Variants in CLVS1 observed in about 807,000 individuals in gnomAD.
CLVS1 encodes clavesin 1, also known as clavesin-1.
A neutral mutation model predicts 33.1 loss-of-function variants in CLVS1; 10 were observed. The observed-to-expected ratio is 0.30, with a 90% CI of 0.19 to 0.51. CLVS1 has a LOEUF of 0.51. CLVS1 is among the 20% of genes least tolerant of loss of function. The probability of loss-of-function intolerance (pLI) is 0.97; values close to 1 mark genes in which losing one functional copy is unlikely to be tolerated. For synonymous variants in CLVS1, 163 were observed against 166.1 expected (o/e 0.98, Z 0.14); for missense variants, 343 against 433.4 (o/e 0.79, Z 1.85).
At chr8:61,407,841 A>G (rs1169568749) in intron 3 of CLVS1, among the ~76,000 whole-genome samples, 2 of 152,216 alleles carry the variant, frequency 1.3e-5, no homozygotes, top group South Asian at 2.1e-4. Flanking sequence ...GGGCCAAGCC[A>G]GAGTCTTTTC....
chr8:61,380,435 C>T (rs1009082016), intron 3 of CLVS1, among the ~76,000 whole-genome samples: 2 of 151,958 alleles, frequency 1.3e-5, no homozygotes, highest in Non-Finnish European at 2.9e-5. Flanking sequence ...AAATGTTAAT[C>T]GTGTATGTAT....
intron 2 of CLVS1, among the ~76,000 whole-genome samples, chr8:61,339,163 A>T (rs1466620657): frequency 6.6e-6 from 1 of 152,028 alleles, no homozygotes; most frequent in Admixed American, 6.5e-5. Flanking sequence ...ATGAGCTGCT[A>T]TTGTGGGGGT....
chr8:61,198,421 C>G (rs867474226), intron 2 of CLVS1, among the ~76,000 whole-genome samples: 3 of 152,078 alleles, frequency 2.0e-5, no homozygotes, highest in Non-Finnish European at 4.4e-5. Context: ...ACTCTTTCAC[C>G]CAGGCTGGAT....
intron 5 of CLVS1, among the ~76,000 whole-genome samples, chr8:61,469,252 T>C (rs1413091178): frequency 3.9e-5 from 6 of 152,146 alleles, no homozygotes; most frequent in Non-Finnish European, 8.8e-5. Flanking sequence ...AAACATAACA[T>C]TTTAGTTATT....
chr8:61,340,360 C>A (rs1446349182), intron 2 of CLVS1, among the ~76,000 whole-genome samples: 1 of 152,158 alleles, frequency 6.6e-6, no homozygotes, highest in Non-Finnish European at 1.5e-5. Flanking sequence ...GTCCTCCAGC[C>A]CCTGGTAGCT....
intron 5 of CLVS1, among the ~76,000 whole-genome samples, chr8:61,498,732 GTC>G (rs1804370785): frequency 6.6e-6 from 1 of 152,118 alleles, no homozygotes; most frequent in Non-Finnish European, 1.5e-5. Flanking sequence ...ATTAGTTGTA[GTC>G]GTCTTTATCA....
At chr8:61,352,035 A>G (rs111640320) in intron 2 of CLVS1, among the ~76,000 whole-genome samples, 2,373 of 152,156 alleles carry the variant, frequency 0.016, 26 homozygotes, top group Non-Finnish European at 0.026. Context: ...ATAATAAACT[A>G]TCTTTTATCT....
At chr8:61,128,282 T>G (rs1238319078) in intron 1 of CLVS1, among the ~76,000 whole-genome samples, 2 of 152,164 alleles carry the variant, frequency 1.3e-5, no homozygotes, top group African/African-American at 4.8e-5. Context: ...CAAGGAGGGG[T>G]AAGGCCTAAA....
At chr8:61,414,728 G>A (rs953974038) in intron 3 of CLVS1, among the ~76,000 whole-genome samples, 2 of 152,174 alleles carry the variant, frequency 1.3e-5, no homozygotes, top group Non-Finnish European at 2.9e-5. Flanking sequence ...AAGGTGTTGA[G>A]AGTTAATATG....
At chr8:61,387,488 A>ATTTT (rs1563530241) in intron 3 of CLVS1, among the ~76,000 whole-genome samples, 1 of 132,140 alleles carries the variant, frequency 7.6e-6, no homozygotes, top group Non-Finnish European at 1.6e-5. Flanking sequence ...TTTTTTTTTT[A>ATTTT]AATTTCAATA....
At chr8:61,063,547 A>C (rs561839235) in intron 1 of CLVS1, among the ~76,000 whole-genome samples, 1 of 152,194 alleles carries the variant, frequency 6.6e-6, no homozygotes, top group Non-Finnish European at 1.5e-5. Flanking sequence ...AGAAGGATGG[A>C]CACAGGAGAA....
chr8:61,093,515 T>A (rs1805292218), intron 1 of CLVS1, among the ~76,000 whole-genome samples: 1 of 152,214 alleles, frequency 6.6e-6, no homozygotes, highest in South Asian at 2.1e-4. Flanking sequence ...CATTTTCCTG[T>A]CATTCTGCAG....
intron 1 of CLVS1, chr8:61,292,151 T>C (rs1810017066): frequency 3.3e-6 from 1 of 301,652 alleles, no homozygotes; most frequent in Non-Finnish European, 6.8e-6. Context: ...CTTTTACGTC[T>C]GACTATTAAA....
intron 2 of CLVS1, among the ~76,000 whole-genome samples, chr8:61,301,243 C>G (rs1810422038): frequency 6.6e-6 from 1 of 152,184 alleles, no homozygotes; most frequent in South Asian, 2.1e-4. Flanking sequence ...ATCCTCTGGT[C>G]CAGCTGGTTG....
intron 2 of CLVS1, among the ~76,000 whole-genome samples, chr8:61,352,941 G>A (rs1322618754): frequency 6.6e-6 from 1 of 151,964 alleles, no homozygotes; most frequent in Non-Finnish European, 1.5e-5. Flanking sequence ...ATACCATTTT[G>A]TATACGAGAC....
intron 5 of CLVS1, among the ~76,000 whole-genome samples, chr8:61,472,369 T>TG (rs1233422936): frequency 2.7e-5 from 4 of 147,706 alleles, no homozygotes; most frequent in African/African-American, 5.1e-5. Flanking sequence ...AAAAAAGACA[T>TG]GGGGGGAGGA....
chr8:61,142,781 A>G (rs1806331702), intron 2 of CLVS1, among the ~76,000 whole-genome samples: 1 of 152,200 alleles, frequency 6.6e-6, no homozygotes, highest in Non-Finnish European at 1.5e-5. Context: ...CACCTTCTGT[A>G]ATGCCAGGAG....
intron 2 of CLVS1, among the ~76,000 whole-genome samples, chr8:61,248,719 C>A (rs576161550): frequency 2.4e-4 from 36 of 151,968 alleles, no homozygotes; most frequent in Non-Finnish European, 5.0e-4. Flanking sequence ...GCTTAGAGTG[C>A]AAATAGATAA....
chr8:61,437,616 A>AT (rs200724269), intron 3 of CLVS1, among the ~76,000 whole-genome samples: 2,240 of 152,306 alleles, frequency 0.015, 31 homozygotes, highest in South Asian at 0.059. Context: ...ATGCAAGTTC[A>AT]TTTTTTATAC....
Sources: allele counts gnomAD v4.1 joint callset (sites outside exome capture counted in the v4.1 genomes callset), GRCh38; gene constraint gnomAD v4.1.1; transcripts MANE v1.5; gene names NCBI Gene and HGNC (gene_info 2026-07-23, HGNC 2026-07-21).